CNTNAP4: variants seen among roughly 807,000 people sequenced by gnomAD.
CNTNAP4 encodes contactin associated protein family member 4.
CNTNAP4 carries 98 observed loss-of-function variants against 148.4 expected under a neutral mutation model. The ratio of observed to expected loss-of-function variants is 0.66; its 90% CI spans 0.56 to 0.78. CNTNAP4 has a LOEUF of 0.78. CNTNAP4 is among the 30% of genes least tolerant of loss of function. The pLI is 0.00. For missense variants in CNTNAP4, 1,935 were observed against 1,565.6 expected (o/e 1.24, Z -3.98); for synonymous variants, 730 against 565.1 (o/e 1.29, Z -4.14).
At chr16:76,377,445 C>T (rs2015535012) in intron 3 of CNTNAP4, among the ~76,000 whole-genome samples, 1 of 151,924 alleles carries the variant, frequency 6.6e-6, no homozygotes, top group Admixed American at 6.6e-5. Flanking sequence ...ATTCAGTGGT[C>T]TATGGTGGAA....
chr16:76,523,838 G>T (rs1346789332), intron 17 of CNTNAP4, among the ~76,000 whole-genome samples: 1 of 152,102 alleles, frequency 6.6e-6, no homozygotes, highest in Non-Finnish European at 1.5e-5. Context: ...AGCTGAGGTG[G>T]GAGGATGGTT....
Position 76,479,460 on chromosome 16 carries a change from A to G in CNTNAP4, c.1804A>G (p.Asn602Asp). The part of the protein sequence containing the change: ...QSCEAYKHRG[N>D]TSGFYYIDSD... ...ATGTGAAGCCTATAAGCACAGAGGA[A>G]ATACTTCAGGGTTTTACTATATAGA... Residue 602 changes from asparagine (N) to aspartate (D), a missense_variant, in exon 12 of 24, where the codon AAT (asparagine) becomes GAT (aspartate). Physicochemically the swap from Asn to Asp is conservative, Grantham distance 23 (BLOSUM62 1). Transcript: ENST00000611870. 6.2e-7 allele frequency: 1 copy of G among 1,610,874 alleles called. No homozygotes were observed. The highest frequency in any genetic ancestry group is 8.5e-7 in the Non-Finnish European group (1 of 1,178,562).
intron 1 of CNTNAP4, among the ~76,000 whole-genome samples, chr16:76,302,290 T>A (rs879742708): frequency 3.9e-5 from 6 of 152,262 alleles, no homozygotes; most frequent in Non-Finnish European, 8.8e-5. Context: ...TGAAAAGAGC[T>A]GAAGGACCTA....
chr16:76,535,022 A>G (rs1344630359), intron 17 of CNTNAP4, among the ~76,000 whole-genome samples: 1 of 152,210 alleles, frequency 6.6e-6, no homozygotes, highest in East Asian at 1.9e-4. Context: ...TGTCAGCCAA[A>G]AACAAATAAT....
At position 76,452,534 on chromosome 16, in the gene CNTNAP4, A is replaced by G; in HGVS notation, c.1098A>G (p.Gln366=). The change falls in exon 8 of 24, where the codon CAA becomes CAG. Residue 366 remains glutamine, a synonymous_variant. Transcript: ENST00000611870. ...AMGNVSFSCS[Q]PQSMPVTFLS... ...GAAATGTGTCATTTTCTTGTTCACA[A>G]CCACAATCTATGCCCGTGACTTTTC... 1 of 1,613,980 alleles carries G rather than the reference A, an allele frequency of 6.2e-7. No homozygotes were observed. Among genetic ancestry groups the G allele is most frequent in the Non-Finnish European group, 8.5e-7 (1 of 1,179,870 alleles).
At chr16:76,541,242 A>G (rs935124933) in intron 21 of CNTNAP4, among the ~76,000 whole-genome samples, 4 of 152,298 alleles carry the variant, frequency 2.6e-5, no homozygotes, top group East Asian at 1.9e-4. Context: ...CTTGGATTCT[A>G]TTTGCTTTGT....
At chr16:76,517,241 G>A (rs371769370) in intron 15 of CNTNAP4, among the ~76,000 whole-genome samples, 6 of 152,102 alleles carry the variant, frequency 3.9e-5, no homozygotes, top group South Asian at 2.1e-4. Context: ...TTAGCTGTGC[G>A]CGGGAAGGAT....
intron 8 of CNTNAP4, among the ~76,000 whole-genome samples, chr16:76,458,699 A>G (rs2080827605): frequency 6.6e-6 from 1 of 152,156 alleles, no homozygotes; most frequent in African/African-American, 2.4e-5. Context: ...ATACAGCTTC[A>G]CTTGCCTGCC....
chr16:76,300,631 C>A (rs934464138), intron 1 of CNTNAP4, among the ~76,000 whole-genome samples: 1 of 152,124 alleles, frequency 6.6e-6, no homozygotes, highest in African/African-American at 2.4e-5. Context: ...AATTCTCTGA[C>A]CTTCAATTTT....
chr16:76,525,536 T>C (rs2083683249), intron 17 of CNTNAP4, among the ~76,000 whole-genome samples: 1 of 147,174 alleles, frequency 6.8e-6, no homozygotes, highest in African/African-American at 2.5e-5. Context: ...TATATTTCAG[T>C]GGAAGAGACA....
At chr16:76,410,751 C>G (rs34775967) in intron 3 of CNTNAP4, among the ~76,000 whole-genome samples, 31,211 of 151,420 alleles carry the variant, frequency 0.21, 4,341 homozygotes, top group Non-Finnish European at 0.31. Context: ...AAATAACACA[C>G]CATCATACAT....
At chr16:76,384,045 T>A (rs1379967361) in intron 3 of CNTNAP4, among the ~76,000 whole-genome samples, 1 of 152,136 alleles carries the variant, frequency 6.6e-6, no homozygotes, top group Non-Finnish European at 1.5e-5. Context: ...TTTTGTTATT[T>A]ATTTATTTAT....
At chr16:76,428,209 G>A (rs57473201) in intron 4 of CNTNAP4, among the ~76,000 whole-genome samples, 3,311 of 152,116 alleles carry the variant, frequency 0.022, 116 homozygotes, top group African/African-American at 0.077. Context: ...TATATTTTTT[G>A]TGAGGAAGGG....
At chr16:76,344,569 G>C (rs1964752182) in intron 2 of CNTNAP4, among the ~76,000 whole-genome samples, 1 of 152,056 alleles carries the variant, frequency 6.6e-6, no homozygotes, top group Non-Finnish European at 1.5e-5. Flanking sequence ...GTTTTCTTAG[G>C]CCAGTTCTAA....
Position 76,495,026 on chromosome 16 carries a change from T to G in CNTNAP4, c.2197T>G (p.Ser733Ala). The change falls in exon 14 of 24, where the codon TCT (serine) becomes GCT (alanine). Residue 733 changes from serine to alanine, a missense_variant. By Grantham distance (99) the Ser-to-Ala change is moderately conservative. Coordinates refer to ENST00000611870, the MANE Select transcript of CNTNAP4 (RefSeq NM_033401.5). ...TGGATTAGAGGGAAACTGCATTGATTCTCAGTATTACTGCAATTGTGATGC... is the reference window on the plus strand; with the variant it reads ...TGGATTAGAGGGAAACTGCATTGATGCTCAGTATTACTGCAATTGTGATGC... ...TCGLEGNCIDSQYYCNCDADR... is the reference protein window; with the variant it reads ...TCGLEGNCIDAQYYCNCDADR... The G allele has an allele frequency of 6.2e-7, 1 of 1,613,538 alleles. No individual in the cohort carries two copies. Among genetic ancestry groups the G allele is most frequent in the Non-Finnish European group, 8.5e-7 (1 of 1,179,524 alleles).
chr16:76,441,906 A>T (rs958107532), intron 4 of CNTNAP4, among the ~76,000 whole-genome samples: 1 of 152,142 alleles, frequency 6.6e-6, no homozygotes, highest in African/African-American at 2.4e-5. Flanking sequence ...TAAGAAGACT[A>T]TACTATTATT....
At chr16:76,416,937 A>G (rs567134931) in intron 3 of CNTNAP4, among the ~76,000 whole-genome samples, 3 of 151,406 alleles carry the variant, frequency 2.0e-5, no homozygotes, top group African/African-American at 7.3e-5. Flanking sequence ...TGGAAAATTG[A>G]TCACTTTGTC....
intron 4 of CNTNAP4, among the ~76,000 whole-genome samples, chr16:76,439,116 C>G (rs549528444): frequency 3.9e-5 from 6 of 152,154 alleles, no homozygotes; most frequent in African/African-American, 1.4e-4. Flanking sequence ...ATGGAGCATC[C>G]TTGAGGCCAG....
intron 3 of CNTNAP4, among the ~76,000 whole-genome samples, chr16:76,357,230 C>T (rs16944300): frequency 0.021 from 3,261 of 152,248 alleles, 109 homozygotes; most frequent in African/African-American, 0.069. Flanking sequence ...ATCTTCTGCT[C>T]TTTTTTGAAT....
Sources: allele counts gnomAD v4.1 joint callset (sites outside exome capture counted in the v4.1 genomes callset), GRCh38; gene constraint gnomAD v4.1.1; transcripts MANE v1.5; gene names NCBI Gene and HGNC (gene_info 2026-07-23, HGNC 2026-07-21).